POT1: variants seen among roughly 807,000 people sequenced by gnomAD.
POT1 encodes protection of telomeres 1.
POT1 carries 47 observed loss-of-function variants against 78.5 expected under a neutral mutation model. That is an observed-to-expected ratio of 0.60 (90% confidence interval 0.47 to 0.76). The LOEUF is 0.76. Among genes scored for constraint, POT1 ranks in the 30% least tolerant of loss-of-function variants. The pLI is 0.00. For synonymous variants in POT1, 259 were observed against 260.7 expected (o/e 0.99, Z 0.06); for missense variants, 646 against 749.9 (o/e 0.86, Z 1.62).
chr7:124,858,411 A>G lies in POT1; in HGVS notation c.702+546T>C, dbSNP rs1795499249. On this transcript the variant is annotated intron_variant, in intron 9 of 18. Coordinates refer to ENST00000357628, the MANE Select transcript of POT1 (RefSeq NM_015450.3). The stretch of plus-strand genomic sequence containing the variant: ...TTTGTTAATAGTTAAGTACTGCCAT[A>G]TCTAAACTGTGCACCTTAATGTATT... Among the ~76,000 whole-genome samples the G allele has an allele frequency of 2.0e-5, 3 of 152,174 alleles. 1 individual carries two copies. In the South Asian group the frequency reaches 6.2e-4, roughly 31 times the overall value.
At chr7:124,852,673 A>C (rs1457999326) in intron 10 of POT1, among the ~76,000 whole-genome samples, 1 of 152,162 alleles carries the variant, frequency 6.6e-6, no homozygotes, top group Non-Finnish European at 1.5e-5. Flanking sequence ...ACTTTAGCTA[A>C]GGTCTAGTTT....
chr7:124,866,664 T>TC (rs1795732643), intron 7 of POT1, among the ~76,000 whole-genome samples: 1 of 152,180 alleles, frequency 6.6e-6, no homozygotes, highest in Non-Finnish European at 1.5e-5. Flanking sequence ...AGCTTGAACT[T>TC]CAGCTTACTG....
chr7:124,924,864 G>A (rs544129350), intron 2 of POT1, among the ~76,000 whole-genome samples: 1 of 151,930 alleles, frequency 6.6e-6, no homozygotes, highest in East Asian at 1.9e-4. Context: ...ACAAAAACCA[G>A]ATGATCATCC....
intron 9 of POT1, among the ~76,000 whole-genome samples, chr7:124,857,303 G>T (rs765256288): frequency 6.6e-6 from 1 of 152,148 alleles, no homozygotes; most frequent in Non-Finnish European, 1.5e-5. Flanking sequence ...AGACATTGTG[G>T]ATTCAAACAC....
intron 11 of POT1, among the ~76,000 whole-genome samples, chr7:124,850,497 G>A (rs1795277365): frequency 6.6e-6 from 1 of 152,196 alleles, no homozygotes; most frequent in Non-Finnish European, 1.5e-5. Context: ...GGAGCCCGAG[G>A]CGGGCGGATC....
At chr7:124,865,971 A>T (rs7782340) in intron 7 of POT1, among the ~76,000 whole-genome samples, 1 of 151,796 alleles carries the variant, frequency 6.6e-6, no homozygotes, top group Non-Finnish European at 1.5e-5. Flanking sequence ...GTTTTCATGT[A>T]GAATATATCT....
chr7:124,849,008 G>A (rs1273888109), intron 11 of POT1, among the ~76,000 whole-genome samples: 2 of 152,080 alleles, frequency 1.3e-5, no homozygotes, highest in Non-Finnish European at 1.5e-5. Flanking sequence ...TTAAAAATGT[G>A]TATTTTGTAA....
intron 6 of POT1, among the ~76,000 whole-genome samples, chr7:124,879,593 T>TA (rs1796071207): frequency 6.6e-6 from 1 of 152,128 alleles, no homozygotes; most frequent in Admixed American, 6.5e-5. Context: ...ACTCTAAAGT[T>TA]AAAATGGAAG....
chr7:124,838,723 A>G (rs1794954928), intron 14 of POT1, among the ~76,000 whole-genome samples: 1 of 151,986 alleles, frequency 6.6e-6, no homozygotes. Flanking sequence ...CTACTGCCTC[A>G]GCCTCCCGAG....
chr7:124,910,644 G>A (rs182755999), intron 3 of POT1, among the ~76,000 whole-genome samples: 16 of 151,934 alleles, frequency 1.1e-4, no homozygotes, highest in Non-Finnish European at 1.6e-4. Flanking sequence ...ATTTGCTATT[G>A]AACTATGTAA....
chr7:124,864,870 G>A (rs1290650578), intron 7 of POT1, among the ~76,000 whole-genome samples: 1 of 152,016 alleles, frequency 6.6e-6, no homozygotes, highest in Non-Finnish European at 1.5e-5. Flanking sequence ...AAAACATTGT[G>A]TTTACGTATT....
At chr7:124,887,290 A>G (rs1158916933) in intron 6 of POT1, among the ~76,000 whole-genome samples, 2 of 152,126 alleles carry the variant, frequency 1.3e-5, no homozygotes, top group Non-Finnish European at 2.9e-5. Context: ...CCTTTCCTCT[A>G]CAACAACAGA....
At chr7:124,847,246 A>G (rs575732461) in intron 11 of POT1, among the ~76,000 whole-genome samples, 24 of 152,290 alleles carry the variant, frequency 1.6e-4, no homozygotes, top group African/African-American at 5.8e-4. Flanking sequence ...TATAATCCCA[A>G]CACTTCGGAG....
intron 7 of POT1, among the ~76,000 whole-genome samples, chr7:124,865,709 A>C (rs1041293033): frequency 1.1e-4 from 16 of 151,044 alleles, no homozygotes; most frequent in African/African-American, 3.6e-4. Flanking sequence ...ATTAATTATT[A>C]TTATTATTAT....
intron 6 of POT1, among the ~76,000 whole-genome samples, chr7:124,877,156 T>G (rs945429229): frequency 7.9e-5 from 12 of 152,186 alleles, no homozygotes; most frequent in African/African-American, 2.9e-4. Flanking sequence ...AAGTTACCAA[T>G]GCAAGACTGT....
At chr7:124,927,294 T>A (rs1797297760) in intron 2 of POT1, among the ~76,000 whole-genome samples, 2 of 152,186 alleles carry the variant, frequency 1.3e-5, no homozygotes, top group Non-Finnish European at 2.9e-5. Context: ...TTTGAGCATC[T>A]AATAGCAACA....
intron 14 of POT1, among the ~76,000 whole-genome samples, chr7:124,840,426 T>C (rs1794999011): frequency 6.6e-6 from 1 of 151,558 alleles, no homozygotes; most frequent in African/African-American, 2.4e-5. Flanking sequence ...AACTCTAAAT[T>C]TGCCATGAAA....
At chr7:124,831,090 T>C (rs906235354) in intron 15 of POT1, among the ~76,000 whole-genome samples, 4 of 151,978 alleles carry the variant, frequency 2.6e-5, no homozygotes, top group African/African-American at 9.7e-5. Context: ...GAAATACAAA[T>C]AAAAACATTA....
At chr7:124,877,768 G>A (rs1019941259) in intron 6 of POT1, among the ~76,000 whole-genome samples, 1 of 147,314 alleles carries the variant, frequency 6.8e-6, no homozygotes, top group African/African-American at 2.5e-5. Flanking sequence ...GGGAGGCAGA[G>A]CTTGCAGTGA....
Sources: allele counts gnomAD v4.1 joint callset (sites outside exome capture counted in the v4.1 genomes callset), GRCh38; gene constraint gnomAD v4.1.1; transcripts MANE v1.5; gene names NCBI Gene and HGNC (gene_info 2026-07-23, HGNC 2026-07-21).